PLCB4: variants seen among roughly 807,000 people sequenced by gnomAD.
PLCB4 encodes 1-phosphatidylinositol 4,5-bisphosphate phosphodiesterase beta-4.
A neutral mutation model predicts 178.8 loss-of-function variants in PLCB4; 77 were observed. That is an observed-to-expected ratio of 0.43 (90% CI 0.36 to 0.52). PLCB4 has a LOEUF of 0.52. Among genes scored for constraint, PLCB4 ranks in the 20% least tolerant of loss-of-function variants. The pLI is 0.00. For synonymous variants in PLCB4, 496 were observed against 490.8 expected, an observed-to-expected ratio of 1.01 and a Z score of -0.14; for missense variants, 1,024 against 1,453.4, an observed-to-expected ratio of 0.70 and a Z score of 4.80.
Position 9,106,130 on chromosome 20 carries a change from A to G in PLCB4, c.-79+9788A>G, listed in dbSNP as rs1600442915. Among the ~76,000 whole-genome samples the G allele has an allele frequency of 5.3e-5, 8 of 152,196 alleles. 1 individual carries two copies. On this transcript the variant is annotated intron_variant, in intron 2 of 39. Transcript: ENST00000378473. Reference sequence around the variant, plus strand: ...TGACAACCTTATCAGCAAGATGAACATTTAATAAAGTTGTGGAGTTAAAAT... The same window carrying G: ...TGACAACCTTATCAGCAAGATGAACGTTTAATAAAGTTGTGGAGTTAAAAT...
chr20:9,171,088 C>T (rs188001227), intron 2 of PLCB4, among the ~76,000 whole-genome samples: 2 of 152,162 alleles, frequency 1.3e-5, no homozygotes, highest in African/African-American at 4.8e-5. Flanking sequence ...TGAAAACTCA[C>T]ACAGCTCCTT....
At chr20:9,174,893 T>C (rs2093128369) in intron 2 of PLCB4, among the ~76,000 whole-genome samples, 1 of 152,190 alleles carries the variant, frequency 6.6e-6, no homozygotes, top group Admixed American at 6.5e-5. Context: ...TATCCACAAA[T>C]TATTTGAGGC....
chr20:9,193,509 C>T (rs1224482457), intron 2 of PLCB4, among the ~76,000 whole-genome samples: 1 of 152,152 alleles, frequency 6.6e-6, no homozygotes, highest in Non-Finnish European at 1.5e-5. Flanking sequence ...GGCAAAGAAT[C>T]ACAGCATTTG....
intron 28 of PLCB4, among the ~76,000 whole-genome samples, chr20:9,435,257 C>T (rs1362736014): frequency 2.0e-5 from 3 of 152,252 alleles, no homozygotes; most frequent in Non-Finnish European, 4.4e-5. Context: ...AGTGAAGAAA[C>T]AGTCTAGAAC....
At chr20:9,256,567 A>G (rs1022945597) in intron 3 of PLCB4, among the ~76,000 whole-genome samples, 5 of 152,216 alleles carry the variant, frequency 3.3e-5, no homozygotes, top group African/African-American at 4.8e-5. Flanking sequence ...CTGTAAAAAC[A>G]GGAGAAAGGA....
intron 3 of PLCB4, among the ~76,000 whole-genome samples, chr20:9,267,976 C>T (rs1055050836): frequency 2.0e-5 from 3 of 152,144 alleles, no homozygotes; most frequent in African/African-American, 7.2e-5. Flanking sequence ...TTAGGTGTCT[C>T]TTTCTGTCAC....
chr20:9,291,896 T>C (rs2147769075), intron 3 of PLCB4, among the ~76,000 whole-genome samples: 1 of 152,310 alleles, frequency 6.6e-6, no homozygotes, highest in Admixed American at 6.5e-5. Context: ...TGAGCTCAGT[T>C]CTAATATGCA....
intron 1 of PLCB4, among the ~76,000 whole-genome samples, chr20:9,090,845 C>G (rs894289061): frequency 6.6e-6 from 1 of 152,104 alleles, no homozygotes; most frequent in African/African-American, 2.4e-5. Flanking sequence ...AATATTTTCA[C>G]AGAAGTTTTC....
intron 1 of PLCB4, among the ~76,000 whole-genome samples, chr20:9,085,576 T>TA (rs781154840): frequency 5.9e-5 from 9 of 152,190 alleles, no homozygotes; most frequent in Non-Finnish European, 1.3e-4. Flanking sequence ...ATGCATTTTT[T>TA]AACATTAATT....
At chr20:9,267,712 G>T (rs925429610) in intron 3 of PLCB4, among the ~76,000 whole-genome samples, 24 of 152,066 alleles carry the variant, frequency 1.6e-4, no homozygotes, top group Non-Finnish European at 2.9e-5. Flanking sequence ...GCTATAATTT[G>T]CATATTTGTC....
chr20:9,380,186 T>TAA (rs11360322), intron 13 of PLCB4, 24 bp downstream of exon 13: 282 of 951,096 alleles, frequency 3.0e-4, no homozygotes, highest in Admixed American at 3.8e-4. Flanking sequence ...AAAAAGGACT[T>TAA]AAAAAAAAAA....
intron 4 of PLCB4, among the ~76,000 whole-genome samples, chr20:9,312,732 C>T (rs907011611): frequency 3.9e-5 from 6 of 152,090 alleles, no homozygotes; most frequent in African/African-American, 4.8e-5. Flanking sequence ...AGGACATTAG[C>T]AGGATGATAA....
At chr20:9,095,066 C>G (rs1236440024) in intron 1 of PLCB4, among the ~76,000 whole-genome samples, 3 of 152,168 alleles carry the variant, frequency 2.0e-5, no homozygotes, top group Non-Finnish European at 4.4e-5. Context: ...ATTGGTGTTG[C>G]TCTGAAGGAG....
chr20:9,367,095 G>C (rs1228579855), intron 9 of PLCB4, among the ~76,000 whole-genome samples: 3 of 152,126 alleles, frequency 2.0e-5, no homozygotes, highest in Non-Finnish European at 4.4e-5. Context: ...ATCCCTGTGA[G>C]ACTATCTCCA....
At chr20:9,440,225 G>A (rs1195249266) in intron 30 of PLCB4, among the ~76,000 whole-genome samples, 6 of 152,160 alleles carry the variant, frequency 3.9e-5, no homozygotes, top group East Asian at 1.9e-4. Flanking sequence ...CTAAGCTACC[G>A]AACATCATAG....
In PLCB4 at chr20:9,072,037, T is replaced by G. The variant is rs567289453; in HGVS notation, c.-135+2831T>G. ...CACAGTTGGTATTTTATGTCCAGAT[T>G]GAAGTTTTTAAAATAGTTGCTTTTC... On this transcript the variant is annotated intron_variant, in intron 1 of 39. Coordinates refer to ENST00000378473, the MANE Select transcript of PLCB4 (RefSeq NM_001377142.1). 2.6e-5 allele frequency among the ~76,000 whole-genome samples: 4 copies of G among 152,340 alleles called. No individual in the cohort carries two copies. In the South Asian group the frequency reaches 6.2e-4, roughly 24 times the overall value.
intron 3 of PLCB4, among the ~76,000 whole-genome samples, chr20:9,269,135 A>C (rs528940689): frequency 8.5e-5 from 13 of 152,342 alleles, no homozygotes; most frequent in South Asian, 4.1e-4. Flanking sequence ...AAACAAGTCT[A>C]CAGCACTTAT....
chr20:9,224,788 C>G (rs904204975), intron 3 of PLCB4, among the ~76,000 whole-genome samples: 1 of 152,178 alleles, frequency 6.6e-6, no homozygotes, highest in Admixed American at 6.5e-5. Context: ...ACACCATGAC[C>G]TTTGAGAGAG....
At chr20:9,449,364 G>A (rs550638161) in intron 32 of PLCB4, among the ~76,000 whole-genome samples, 46 of 152,140 alleles carry the variant, frequency 3.0e-4, no homozygotes, top group African/African-American at 1.1e-3. Context: ...AATGCCTATG[G>A]GGTCCAAGCA....
Sources: gnomAD v4.1 joint callset for allele counts (sites outside exome capture counted in the v4.1 genomes callset) on GRCh38, gnomAD v4.1.1 for gene constraint, MANE v1.5 for transcripts, NCBI Gene and HGNC (gene_info 2026-07-23, HGNC 2026-07-21) for gene names.